Variants in SEMA3G observed in about 807,000 individuals in gnomAD.
The protein encoded by SEMA3G is semaphorin 3G, also known as semaphorin-3G.
SEMA3G carries 70 observed loss-of-function variants against 86.2 expected under a neutral mutation model. The observed-to-expected ratio is 0.81, with a 90% confidence interval of 0.67 to 0.99. The LOEUF (loss-of-function observed/expected upper bound fraction) is 0.99. SEMA3G is among the 50% of genes least tolerant of loss of function. The pLI is 0.00. For missense variants in SEMA3G, 1,002 were observed against 1,072.4 expected, an observed-to-expected ratio of 0.93 and a Z score of 0.92; for synonymous variants, 416 against 441.4, an observed-to-expected ratio of 0.94 and a Z score of 0.72.
rs1389931098 is a variant in SEMA3G at position 52,442,998 on chromosome 3, C to CA, written c.116-92dup. The CA allele has an allele frequency of 6.5e-7, 1 of 1,546,900 alleles. No individual in the cohort carries two copies. ...GAGGTGGAGGCCCCGGCTGAGCATC[C>CA]ACCCCTGACACACTCACATCTGGAA... On this transcript the variant is annotated intron_variant, in intron 1 of 15. Transcript: ENST00000231721. This position sits in a 1 kb window ranked among gnomAD's most constrained non-coding sequence, Gnocchi z 6.1.
chr3:52,444,567 GCACA>G (rs1239870947), intron 1 of SEMA3G, among the ~76,000 whole-genome samples: 5 of 143,990 alleles, frequency 3.5e-5, no homozygotes, highest in Admixed American at 7.0e-5. Flanking sequence ...CTCGGCACAC[GCACA>G]CAAACACTGC....
Position 52,438,010 on chromosome 3 carries a change from C to A in SEMA3G, c.1699G>T (p.Gly567Cys). The A allele has an allele frequency of 6.2e-7, 1 of 1,612,932 alleles. No homozygotes were observed. ...CCCAGGCACTGCAGGGCAGGGTTGC[C>A]GTGCCGGATGTCCTGCCGGCGGAAC... ...RRFRRQDIRH[G>C]NPALQCLGQS... The change falls in exon 14 of 16, where the codon GGC becomes TGC. Residue 567 changes from glycine to cysteine, a missense_variant. By Grantham distance (159) the Gly-to-Cys change is radical. Coordinates refer to ENST00000231721, the MANE Select transcript of SEMA3G (RefSeq NM_020163.3).
chr3:52,440,099 C>A lies in SEMA3G; in HGVS notation c.1144-1G>T. 6.4e-7 allele frequency: 1 copy of A among 1,572,578 alleles called. No individual in the cohort carries two copies. The highest frequency in any genetic ancestry group is 1.1e-5 in the South Asian group (1 of 87,240). ...GCTGTGCGGTCATCTTGCTGGGGCACTGTGGGCAGCAGGGAAGGGAGTGCC... is the reference window on the plus strand; with the variant it reads ...GCTGTGCGGTCATCTTGCTGGGGCAATGTGGGCAGCAGGGAAGGGAGTGCC... On this transcript the variant is annotated splice_acceptor_variant, in intron 10 of 15. Coordinates refer to ENST00000231721, the MANE Select transcript of SEMA3G (RefSeq NM_020163.3). LOFTEE classifies it high-confidence loss of function.
In SEMA3G at chr3:52,441,639, A is replaced by G. The variant is rs1283511203; in HGVS notation, c.602T>C (p.Met201Thr). 3 of 1,613,656 alleles carry G rather than the reference A, an allele frequency of 1.9e-6. No homozygotes were observed. The highest frequency in any genetic ancestry group is 1.3e-5 in the African/African-American group (1 of 74,914). Residue 201 changes from methionine (M) to threonine (T), a missense_variant, in exon 6 of 16, where the codon ATG becomes ACG. By Grantham distance (81) the Met-to-Thr change is moderately conservative. Transcript: ENST00000231721. ...LTADFLGREA[M>T]IFRSGGPRPA... ...CCGAGGACCTCCACTTCGGAAGATC[A>G]TGGCCTCTCGCCCCAGGAAGTCAGC...
At position 52,439,298 on chromosome 3, in the gene SEMA3G, T is replaced by C. The variant is rs892455925; in HGVS notation, c.1468-337A>G. On this transcript the variant is annotated intron_variant, in intron 12 of 15. Coordinates refer to ENST00000231721, the MANE Select transcript of SEMA3G (RefSeq NM_020163.3). ...AGGCCCCCAAACACAGATGACCCCCTTCCTGAGTCTCTAGAGGGGCCAAGA... is the reference window on the plus strand; with the variant it reads ...AGGCCCCCAAACACAGATGACCCCCCTCCTGAGTCTCTAGAGGGGCCAAGA... Among the ~76,000 whole-genome samples the C allele has an allele frequency of 2.6e-5, 4 of 152,094 alleles. No homozygotes were observed. The East Asian group carries it at 5.8e-4, about 22-fold the overall frequency.
chr3:52,443,660 C>A (rs1403144607), intron 1 of SEMA3G, among the ~76,000 whole-genome samples: 1 of 152,150 alleles, frequency 6.6e-6, no homozygotes, highest in East Asian at 1.9e-4. Context: ...CTACCCAACA[C>A]CCATTCCACC....
At chr3:52,439,592 C>G in intron 12 of SEMA3G, 88 bp downstream of exon 12, 1 of 1,069,242 alleles carries the variant, frequency 9.4e-7, no homozygotes, top group Non-Finnish European at 1.4e-6. Context: ...AGGCTGGCTC[C>G]CTACTGGGCT....
At position 52,437,550 on chromosome 3, in the gene SEMA3G, G is replaced by T. The variant is rs780845879; in HGVS notation, c.1855C>A (p.Pro619Thr). The change falls in exon 15 of 16, where the codon CCA becomes ACA. Residue 619 changes from proline (P) to threonine (T), a missense_variant. By Grantham distance (38) the Pro-to-Thr change is conservative (BLOSUM62 -1). Coordinates refer to ENST00000231721, the MANE Select transcript of SEMA3G (RefSeq NM_020163.3). ...ACCTGGTCAGGCCCCTCATCCCCTG[G>T]CCTCTGCAAGAGCCAGCGCACAGCA... ...QAAVRWLLQR[P>T]GDEGPDQVKT... is the part of the protein sequence containing the mutation. 1 of 1,612,940 alleles carries T rather than the reference G, an allele frequency of 6.2e-7. No individual in the cohort carries two copies.
At chr3:52,436,132 C>A in intron 15 of SEMA3G, 59 bp from the exon 16 acceptor site, 2 of 1,516,134 alleles carry the variant, frequency 1.3e-6, no homozygotes, top group Non-Finnish European at 1.8e-6. Flanking sequence ...CCATCGGCTT[C>A]TCTGCCCCAG....
In SEMA3G at chr3:52,442,616, C is replaced by T. The variant is rs759174454; in HGVS notation, c.282G>A (p.Leu94=). 2.5e-6 allele frequency: 4 copies of T among 1,614,144 alleles called. No homozygotes were observed. Among genetic ancestry groups the T allele is most frequent in the South Asian group, 1.1e-5 (1 of 91,082 alleles). The part of the protein sequence containing the change: ...DQAWPDPREV[L]WPPQPGQREE... The stretch of plus-strand genomic sequence containing the variant: ...CCCTCTGTCCTGGCTGCGGTGGCCA[C>T]AGGACCTGGAACACAGCCCCGCTGA... The change falls in exon 3 of 16, where the codon CTG becomes CTA. Residue 94 remains leucine, a synonymous_variant. Transcript: ENST00000231721. The surrounding 1 kb of genome is among the most constrained non-coding windows in gnomAD (Gnocchi z 6.1).
chr3:52,438,677 C>G (rs1403601047), intron 13 of SEMA3G: 3 of 985,366 alleles, frequency 3.0e-6, no homozygotes, highest in African/African-American at 1.7e-5. Context: ...TGTTTTCAGG[C>G]ACACTTTTGC....
Position 52,437,999 on chromosome 3 carries a change from G to A in SEMA3G, c.1710C>T (p.Ala570=), listed in dbSNP as rs756018619. ...CCTGGCTCTGGCCCAGGCACTGCAG[G>A]GCAGGGTTGCCGTGCCGGATGTCCT... The part of the protein sequence containing the change: ...RRQDIRHGNP[A]LQCLGQSQEE... Residue 570 remains alanine (A), a synonymous_variant, in exon 14 of 16, where the codon GCC becomes GCT. Transcript: ENST00000231721. The A allele has an allele frequency of 2.5e-6, 4 of 1,612,660 alleles. No homozygotes were observed. Among genetic ancestry groups the A allele is most frequent in the Non-Finnish European group, 2.5e-6 (3 of 1,179,926 alleles).
chr3:52,438,864 G>T, intron 13 of SEMA3G, 56 bp downstream of exon 13: 1 of 1,606,234 alleles, frequency 6.2e-7, no homozygotes, highest in Non-Finnish European at 8.5e-7. Context: ...CAGAGGAGGA[G>T]GCTGCGGAGC....
chr3:52,442,073 C>T lies in SEMA3G; in HGVS notation c.459+112G>A, dbSNP rs770095650. 4 of 1,446,748 alleles carry T rather than the reference C, an allele frequency of 2.8e-6. No homozygotes were observed. Among genetic ancestry groups the T allele is most frequent in the Non-Finnish European group, 3.7e-6 (4 of 1,078,554 alleles). 89.6% of individuals were successfully genotyped at this position (1,446,748 alleles called of 1,614,324 possible). A position where few individuals can be genotyped will look rare whatever the true frequency, so the allele number is the denominator to read the frequency against. On this transcript the variant is annotated intron_variant, in intron 4 of 15. Coordinates refer to ENST00000231721, the MANE Select transcript of SEMA3G (RefSeq NM_020163.3). This position sits in a 1 kb window ranked among gnomAD's most constrained non-coding sequence, Gnocchi z 6.1. ...GGGTCAGCTCCCCAACACAAAGGCGCCTTTCAGGCCCCTGCCCCTCTGTCC... is the reference window on the plus strand; with the variant it reads ...GGGTCAGCTCCCCAACACAAAGGCGTCTTTCAGGCCCCTGCCCCTCTGTCC...
rs1365738827 is a variant in SEMA3G at position 52,439,856 on chromosome 3, A to G, written c.1375+11T>C. ...CTCTCCAGCCTGGCCACCCTGGCTC[A>G]GCTGTCCTACCAGTCCCCAGGAAAA... On this transcript the variant is annotated intron_variant, in intron 11 of 15. Coordinates refer to ENST00000231721, the MANE Select transcript of SEMA3G (RefSeq NM_020163.3). 3 of 1,612,044 alleles carry G rather than the reference A, an allele frequency of 1.9e-6. No individual in the cohort carries two copies. The South Asian group carries it at 3.3e-5, about 18-fold the overall frequency.
In SEMA3G at chr3:52,436,092, G is replaced by T; in HGVS notation, c.1879-19C>A. The stretch of plus-strand genomic sequence containing the variant: ...TCTTCACCTGCCATGCGGGCGGGAG[G>T]GCGTGAGTAGGGTGCAAGGTGGGAG... On this transcript the variant is annotated intron_variant, in intron 15 of 15. Transcript: ENST00000231721. 6.3e-7 allele frequency: 1 copy of T among 1,590,890 alleles called. No individual in the cohort carries two copies. Among genetic ancestry groups the T allele is most frequent in the Non-Finnish European group, 8.6e-7 (1 of 1,166,380 alleles).
At position 52,440,441 on chromosome 3, in the gene SEMA3G, C is replaced by T. The variant is rs375538756; in HGVS notation, c.1079G>A (p.Arg360Gln). 2.5e-5 allele frequency: 41 copies of T among 1,610,328 alleles called. 1 individual carries two copies. The highest frequency in any genetic ancestry group is 2.2e-4 in the South Asian group (20 of 90,458). Residue 360 changes from arginine (R) to glutamine (Q), a missense_variant, in exon 10 of 16, where the codon CGA (arginine) becomes CAA (glutamine). By Grantham distance (43) the Arg-to-Gln change is conservative. Transcript: ENST00000231721. ...WEVFNGPFAH[R>Q]DGPQHQWGPY... is the part of the protein sequence containing the mutation. ...CCCCCACTGGTGCTGAGGCCCATCT[C>T]GGTGGGCAAAGGGCCCGTTGAAAAC...
intron 8 of SEMA3G, 46 bp from the exon 9 acceptor site, chr3:52,440,869 C>A (rs1401234893): frequency 6.2e-7 from 1 of 1,601,822 alleles, no homozygotes; most frequent in African/African-American, 1.3e-5. Flanking sequence ...CCGCCAATGC[C>A]CTGACTCACC....
rs780096547 is a variant in SEMA3G at position 52,435,849 on chromosome 3, G to C, written c.2103C>G (p.Thr701=). Residue 701 remains threonine (T), a synonymous_variant, in exon 16 of 16, where the codon ACC becomes ACG. Transcript: ENST00000231721. ...TGTCCTTGTACCAGGCCTTGGGTGG[G>C]GTGGAAGCCAGGCCTCCCCGGGCTG... is the stretch of plus-strand genomic sequence containing the variant. The part of the protein sequence containing the change: ...EPPARGGLAS[T]PPKAWYKDIL... The C allele has an allele frequency of 6.2e-7, 1 of 1,613,990 alleles. No individual in the cohort carries two copies. Among genetic ancestry groups the C allele is most frequent in the Non-Finnish European group, 8.5e-7 (1 of 1,179,982 alleles).
Sources: allele counts gnomAD v4.1 joint callset (sites outside exome capture counted in the v4.1 genomes callset), GRCh38; gene constraint gnomAD v4.1.1; non-coding constraint Gnocchi (gnomAD v3.1); transcripts MANE v1.5; gene names NCBI Gene and HGNC (gene_info 2026-07-23, HGNC 2026-07-21).